The following PHF7 variants were observed in gnomAD, a reference collection of about 807,000 sequenced individuals.
PHF7 encodes the protein E3 ubiquitin-protein ligase PHF7.
PHF7 carries 24 observed loss-of-function variants against 47.5 expected under a neutral mutation model. That is an observed-to-expected ratio of 0.51 (90% CI 0.37 to 0.71). The LOEUF (loss-of-function observed/expected upper bound fraction) is 0.71, where lower values mean the gene tolerates loss of function less well. Ranked by LOEUF, PHF7 falls within the 30% of genes least tolerant of loss-of-function variation. PHF7 has a pLI of 0.00. For missense variants in PHF7, 361 were observed against 456.8 expected, an observed-to-expected ratio of 0.79 and a Z score of 1.91; for synonymous variants, 156 against 153.8, an observed-to-expected ratio of 1.01 and a Z score of -0.11.
chr3:52,421,532 C>A (rs1705790267), intron 7 of PHF7, 116 bp from the exon 8 acceptor site: 1 of 710,338 alleles, frequency 1.4e-6, no homozygotes, highest in African/African-American at 1.8e-5. Flanking sequence ...AACTCCTTTT[C>A]CTGTACCCTC....
intron 5 of PHF7, 38 bp downstream of exon 5, chr3:52,419,972 T>C: frequency 8.7e-7 from 1 of 1,144,148 alleles, no homozygotes; most frequent in Non-Finnish European, 1.3e-6. Flanking sequence ...GGGGTAGGCC[T>C]CTTTTCATAC....
In PHF7 at chr3:52,413,062, A is replaced by T. The variant is rs1705508212; in HGVS notation, c.41+142A>T. ...CACACACGGAGCTGGGAGCTGTCAT[A>T]CCTGTCTTACCAGTGCTGTCCCTAG... is the stretch of plus-strand genomic sequence containing the variant. On this transcript the variant is annotated intron_variant, in intron 2 of 10. Coordinates refer to ENST00000327906, the MANE Select transcript of PHF7 (RefSeq NM_016483.7). The T allele has an allele frequency of 8.9e-6, 6 of 673,928 alleles. No homozygotes were observed. In the South Asian group the frequency reaches 1.0e-4, roughly 11 times the overall value. The allele number at this position is 673,928 out of a possible 1,614,324, so 41.7% of individuals were successfully genotyped here. A position where few individuals can be genotyped will look rare whatever the true frequency, so the allele number is the denominator to read the frequency against.
chr3:52,423,233 G>A lies in PHF7; in HGVS notation c.1062G>A (p.Lys354=), dbSNP rs776307386. Residue 354 remains lysine (K), a synonymous_variant, in exon 11 of 11, where the codon AAG becomes AAA. Coordinates refer to ENST00000327906, the MANE Select transcript of PHF7 (RefSeq NM_016483.7). ...TDWPEPSLLE[K]PESSRGRRSY... Reference sequence around the variant, plus strand: ...GGCCAGAACCTTCCTTATTAGAAAAGCCAGAGTCCTCTCGTGGCAGGAGGA... The same window carrying A: ...GGCCAGAACCTTCCTTATTAGAAAAACCAGAGTCCTCTCGTGGCAGGAGGA... 3 of 1,614,018 alleles carry A rather than the reference G, an allele frequency of 1.9e-6. No individual in the cohort carries two copies. The highest frequency in any genetic ancestry group is 1.7e-5 in the Admixed American group (1 of 60,006).
At chr3:52,420,234 T>G (rs1279161046) in intron 5 of PHF7, 77 bp from the exon 6 acceptor site, 1 of 1,505,286 alleles carries the variant, frequency 6.6e-7, no homozygotes, top group Non-Finnish European at 9.2e-7. Flanking sequence ...AAACTTCCAT[T>G]TAATAGAAAG....
Position 52,419,829 on chromosome 3 carries a change from G to T in PHF7, c.187-4G>T. 2 of 1,545,744 alleles carry T rather than the reference G, an allele frequency of 1.3e-6. No individual in the cohort carries two copies. Among genetic ancestry groups the T allele is most frequent in the Non-Finnish European group, 1.8e-6 (2 of 1,123,864 alleles). ...TTAACAGCCTGGTTCTACTGCCCCC[G>T]CAGATCTTATCTAGTAAGCTGCCTC... On this transcript the variant is annotated splice_region_variant and splice_polypyrimidine_tract_variant and intron_variant, in intron 4 of 10. Transcript: ENST00000327906.
chr3:52,415,368 G>T (rs564721569), intron 4 of PHF7, among the ~76,000 whole-genome samples: 8 of 152,168 alleles, frequency 5.3e-5, no homozygotes, highest in Non-Finnish European at 1.0e-4. Flanking sequence ...GGCTAATTTT[G>T]TATTTTTAGT....
At chr3:52,422,559 A>G in intron 9 of PHF7, 1 of 663,502 alleles carries the variant, frequency 1.5e-6, no homozygotes, top group Non-Finnish European at 2.6e-6. Flanking sequence ...AGAGACATTC[A>G]GAGCCAATTC....
chr3:52,423,437 T>TGAGCCAAGCAAAGAGAAGTC lies in PHF7; in HGVS notation c.*121_*140dup. ...GGAAGCAGGGCCAGCAGTGAGACTA[T>TGAGCCAAGCAAAGAGAAGTC]GAGCCAAGCAAAGAGAAGTCTCAGT... On this transcript the variant is annotated 3_prime_UTR_variant, in exon 11 of 11. Transcript: ENST00000327906. 1.5e-6 allele frequency: 1 copy of TGAGCCAAGCAAAGAGAAGTC among 650,410 alleles called. No individual in the cohort carries two copies. The highest frequency in any genetic ancestry group is 1.9e-5 in the South Asian group (1 of 52,024). 40.3% of individuals were successfully genotyped at this position (650,410 alleles called of 1,614,324 possible). A position where few individuals can be genotyped will look rare whatever the true frequency, so the allele number is the denominator to read the frequency against.
intron 7 of PHF7, among the ~76,000 whole-genome samples, 161 bp from the exon 8 acceptor site, chr3:52,421,487 C>T (rs928970050): frequency 1.3e-5 from 2 of 152,200 alleles, no homozygotes. Context: ...CCAGGTCTGA[C>T]ACCTGGATTT....
chr3:52,413,909 C>T (rs1705541014), intron 2 of PHF7, 87 bp from the exon 3 acceptor site: 8 of 858,524 alleles, frequency 9.3e-6, no homozygotes, highest in Non-Finnish European at 1.6e-5. Flanking sequence ...TCATCAGACC[C>T]ATGAATGGCA....
In PHF7 at chr3:52,423,219, T is replaced by A. The variant is rs1207770627; in HGVS notation, c.1048T>A (p.Ser350Thr). 6.2e-7 allele frequency: 1 copy of A among 1,614,040 alleles called. No homozygotes were observed. The highest frequency in any genetic ancestry group is 1.7e-5 in the Admixed American group (1 of 60,012). Residue 350 changes from serine (S) to threonine (T), a missense_variant, in exon 11 of 11, where the codon TCC becomes ACC. Transcript: ENST00000327906. Reference sequence around the variant, plus strand: ...TTCTTGGACTGATTGGCCAGAACCTTCCTTATTAGAAAAGCCAGAGTCCTC... The same window carrying A: ...TTCTTGGACTGATTGGCCAGAACCTACCTTATTAGAAAAGCCAGAGTCCTC... ...GLSWTDWPEP[S>T]LLEKPESSRG... is the part of the protein sequence containing the mutation.
At chr3:52,421,208 A>G (rs1705779474) in intron 7 of PHF7, 146 bp downstream of exon 7, 2 of 672,468 alleles carry the variant, frequency 3.0e-6, no homozygotes, top group Middle Eastern at 4.2e-4. Context: ...AGGCAGTTAG[A>G]GGAAAGTCAG....
chr3:52,414,455 A>G (rs1176881774), intron 3 of PHF7, 41 bp from the exon 4 acceptor site: 2 of 1,106,804 alleles, frequency 1.8e-6, no homozygotes, highest in African/African-American at 1.5e-5. Flanking sequence ...TCCATTCTTA[A>G]TGGTCAATTT....
intron 4 of PHF7, among the ~76,000 whole-genome samples, chr3:52,417,458 T>C (rs73072990): frequency 0.097 from 14,800 of 152,300 alleles, 798 homozygotes; most frequent in Non-Finnish European, 0.12. Context: ...TCTTTTAAAA[T>C]ATATCTCAGC....
At position 52,420,453 on chromosome 3, in the gene PHF7, A is replaced by G. The variant is rs1465261182; in HGVS notation, c.413+18A>G. ...GAGTACAAGTGAGTGAGGGAAGGGA[A>G]AAGTCTGGCTTCCTTTTTGCAACTT... On this transcript the variant is annotated intron_variant, in intron 6 of 10. Transcript: ENST00000327906. The G allele has an allele frequency of 6.2e-7, 1 of 1,613,370 alleles. No homozygotes were observed. Among genetic ancestry groups the G allele is most frequent in the Non-Finnish European group, 8.5e-7 (1 of 1,179,458 alleles).
chr3:52,420,708 A>G (rs1018325071), intron 6 of PHF7, among the ~76,000 whole-genome samples, 195 bp from the exon 7 acceptor site: 8 of 152,184 alleles, frequency 5.3e-5, no homozygotes, highest in Admixed American at 2.6e-4. Context: ...CTATGGAGAC[A>G]GTCCTGGGAA....
chr3:52,412,930 G>A lies in PHF7; in HGVS notation c.41+10G>A, dbSNP rs770795287. 8.1e-6 allele frequency: 13 copies of A among 1,603,824 alleles called. No homozygotes were observed. Among genetic ancestry groups the A allele is most frequent in the Non-Finnish European group, 1.1e-5 (13 of 1,171,610 alleles). On this transcript the variant is annotated intron_variant, in intron 2 of 10. Transcript: ENST00000327906. ...AATGCCAGAGATTGAGGTAGAAGTA[G>A]TTGACATAGGGAATTTGGGAGAAAT...
intron 4 of PHF7, among the ~76,000 whole-genome samples, chr3:52,417,611 TG>T (rs1194195125): frequency 9.8e-5 from 15 of 152,362 alleles, no homozygotes; most frequent in African/African-American, 3.6e-4. Flanking sequence ...ATTTTATTTT[TG>T]TATATTGATT....
chr3:52,412,775 A>C, intron 1 of PHF7, 36 bp from the exon 2 acceptor site: 1 of 938,168 alleles, frequency 1.1e-6, no homozygotes, highest in Non-Finnish European at 1.7e-6. Context: ...CAAATACAGA[A>C]TTAAATTGCT....
Sources: gnomAD v4.1 joint callset for allele counts (sites outside exome capture counted in the v4.1 genomes callset) on GRCh38, gnomAD v4.1.1 for gene constraint, MANE v1.5 for transcripts, NCBI Gene and HGNC (gene_info 2026-07-23, HGNC 2026-07-21) for gene names.